Variants in ANAPC7 observed in about 807,000 individuals in gnomAD.
ANAPC7 encodes the protein anaphase-promoting complex subunit 7.
Under a neutral mutation model 63.3 loss-of-function variants are expected in ANAPC7, and 25 were observed. The ratio of observed to expected loss-of-function variants is 0.39; its 90% CI spans 0.29 to 0.55. ANAPC7 has a LOEUF of 0.55. Among genes scored for constraint, ANAPC7 ranks in the 20% least tolerant of loss-of-function variants. ANAPC7 has a pLI of 0.57. For synonymous variants in ANAPC7, 241 were observed against 251.7 expected (o/e 0.96, Z 0.40); for missense variants, 516 against 691.7 (o/e 0.75, Z 2.85).
chr12:110,377,329 T>A, intron 9 of ANAPC7, 64 bp downstream of exon 9: 1 of 1,428,858 alleles, frequency 7.0e-7, no homozygotes, highest in Non-Finnish European at 9.7e-7. Flanking sequence ...GACAAGGGGC[T>A]CCAACTGAGG....
chr12:110,401,705 G>A (rs1016134115), intron 1 of ANAPC7, among the ~76,000 whole-genome samples: 1 of 151,850 alleles, frequency 6.6e-6, no homozygotes, highest in African/African-American at 2.4e-5. Context: ...AGACTGGTCG[G>A]CTGGGCGCGG....
chr12:110,397,848 T>C (rs1406682880), intron 1 of ANAPC7, among the ~76,000 whole-genome samples: 2 of 151,396 alleles, frequency 1.3e-5, no homozygotes, highest in African/African-American at 4.9e-5. Flanking sequence ...TGAGCCGAGA[T>C]TGCGCCACTA....
intron 3 of ANAPC7, among the ~76,000 whole-genome samples, chr12:110,389,481 G>A (rs766205420): frequency 3.9e-5 from 6 of 152,194 alleles, no homozygotes; most frequent in East Asian, 1.9e-4. Flanking sequence ...GCTTTGGCCC[G>A]TAGGTACTAA....
intron 1 of ANAPC7, among the ~76,000 whole-genome samples, chr12:110,398,487 A>G (rs1165512188): frequency 6.6e-6 from 1 of 152,112 alleles, no homozygotes; most frequent in Non-Finnish European, 1.5e-5. Flanking sequence ...GGATTTCAGG[A>G]CAGTGTAAAG....
intron 9 of ANAPC7, 53 bp from the exon 10 acceptor site, chr12:110,376,269 T>C: frequency 6.3e-7 from 1 of 1,596,524 alleles, no homozygotes. Flanking sequence ...AAACCACAAC[T>C]ACCATTCTGA....
Position 110,395,147 on chromosome 12 carries a change from G to A in ANAPC7, c.362C>T (p.Ala121Val), listed in dbSNP as rs1317119001. The change falls in exon 3 of 11, where the codon GCC (alanine) becomes GTC (valine). Residue 121 changes from alanine to valine, a missense_variant. Around this residue, in one of 4 missense-constraint regions of ANAPC7, gnomAD observed 185 missense variants for 200.3 expected, o/e 0.92. Transcript: ENST00000455511. ...AGGGATCCCATCAAGTATAGCAATG[G>A]CATCTTTATCTTGTTTTAGCATTGT... ...CYTMLKQDKDAIAILDGIPSR... is the reference protein window; with the variant it reads ...CYTMLKQDKDVIAILDGIPSR... 6.2e-7 allele frequency: 1 copy of A among 1,613,618 alleles called. No individual in the cohort carries two copies. The highest frequency in any genetic ancestry group is 8.5e-7 in the Non-Finnish European group (1 of 1,179,720).
At chr12:110,397,134 G>A (rs2062154566) in intron 1 of ANAPC7, among the ~76,000 whole-genome samples, 1 of 151,772 alleles carries the variant, frequency 6.6e-6, no homozygotes, top group Non-Finnish European at 1.5e-5. Flanking sequence ...AACCCAGGAG[G>A]CCTGTAGTGA....
At chr12:110,374,654 C>T (rs2137911229) in intron 10 of ANAPC7, among the ~76,000 whole-genome samples, 1 of 152,218 alleles carries the variant, frequency 6.6e-6, no homozygotes, top group South Asian at 2.1e-4. Context: ...AAGTGGCAAA[C>T]AAACATTACC....
intron 3 of ANAPC7, among the ~76,000 whole-genome samples, chr12:110,389,207 C>T (rs1391512049): frequency 6.6e-6 from 1 of 151,796 alleles, no homozygotes; most frequent in South Asian, 2.1e-4. Context: ...GAACAAAAGA[C>T]GCTGCCCTCT....
chr12:110,385,834 G>A (rs1342751800), intron 6 of ANAPC7, among the ~76,000 whole-genome samples: 1 of 152,144 alleles, frequency 6.6e-6, no homozygotes, highest in Admixed American at 6.6e-5. Flanking sequence ...GCCATCTGTT[G>A]GAGGTCCCTG....
At chr12:110,379,429 G>A (rs1300640081) in intron 8 of ANAPC7, among the ~76,000 whole-genome samples, 2 of 152,178 alleles carry the variant, frequency 1.3e-5, no homozygotes, top group Admixed American at 6.5e-5. Flanking sequence ...GGAAACATCC[G>A]CTGTCCAAAT....
At chr12:110,379,903 A>G (rs1469590128) in intron 8 of ANAPC7, among the ~76,000 whole-genome samples, 2 of 152,190 alleles carry the variant, frequency 1.3e-5, no homozygotes, top group African/African-American at 4.8e-5. Flanking sequence ...ATGAACTTAA[A>G]ATATTACATA....
chr12:110,395,242 TC>T, intron 2 of ANAPC7, 22 bp from the exon 3 acceptor site: 1 of 1,598,058 alleles, frequency 6.3e-7, no homozygotes, highest in Non-Finnish European at 8.5e-7. Flanking sequence ...TGGAAATATT[TC>T]TTTGAAACGT....
intron 5 of ANAPC7, chr12:110,387,357 G>GAGAGACAGAGAGAGAGAGAGAC (rs1882665156): frequency 8.3e-6 from 1 of 120,764 alleles, no homozygotes; most frequent in African/African-American, 4.1e-5. Flanking sequence ...GAGAGACAGA[G>GAGAGACAGAGAGAGAGAGAGAC]AGAGAGAGAC....
chr12:110,386,181 G>T, intron 6 of ANAPC7, 146 bp downstream of exon 6: 2 of 1,190,394 alleles, frequency 1.7e-6, no homozygotes, highest in Non-Finnish European at 2.4e-6. Flanking sequence ...CATGTGTCAT[G>T]ACCTAAAAAA....
chr12:110,383,148 C>A (rs1434680690), intron 6 of ANAPC7, 188 bp from the exon 7 acceptor site: 2 of 536,786 alleles, frequency 3.7e-6, no homozygotes, highest in Admixed American at 6.4e-5. Flanking sequence ...TATTAAAATG[C>A]AAAACCCAGG....
chr12:110,396,225 C>CAAAAA, intron 2 of ANAPC7, 41 bp downstream of exon 2: 8 of 1,282,360 alleles, frequency 6.2e-6, no homozygotes, highest in South Asian at 1.3e-5. Context: ...GAGTCTTTCT[C>CAAAAA]AAAAAAAAAA....
intron 7 of ANAPC7, 131 bp downstream of exon 7, chr12:110,382,712 G>A (rs1882056598): frequency 1.4e-6 from 1 of 713,752 alleles, no homozygotes. Flanking sequence ...TGAGATTACA[G>A]GCATGAGCCA....
Position 110,403,703 on chromosome 12 carries a change from C to A in ANAPC7, c.-76G>T. On this transcript the variant is annotated 5_prime_UTR_variant, in exon 1 of 11. Transcript: ENST00000455511. The stretch of plus-strand genomic sequence containing the variant: ...GGTAGAGGATCCTTAGGGAAGACTC[C>A]AAAATGGCGGCGTCGCCGGGGTCCA... The A allele has an allele frequency of 6.4e-7, 1 of 1,551,838 alleles. No homozygotes were observed. Among genetic ancestry groups the A allele is most frequent in the Non-Finnish European group, 8.7e-7 (1 of 1,147,338 alleles).
Sources: gnomAD v4.1 joint callset for allele counts (sites outside exome capture counted in the v4.1 genomes callset) on GRCh38, gnomAD v4.1.1 for gene constraint, gnomAD v4.1.1 regional missense constraint, MANE v1.5 for transcripts, NCBI Gene and HGNC (gene_info 2026-07-23, HGNC 2026-07-21) for gene names.